Variants in GATB observed in about 807,000 individuals in gnomAD.
GATB encodes glutamyl-tRNA amidotransferase subunit B, also known as glutamyl-tRNA(Gln) amidotransferase subunit B, mitochondrial.
GATB carries 39 observed loss-of-function variants against 62.3 expected under a neutral mutation model. That is an observed-to-expected ratio of 0.63 (90% CI 0.48 to 0.82). GATB has a LOEUF of 0.82. GATB is among the 40% of genes least tolerant of loss of function. GATB has a pLI of 0.00. For synonymous variants in GATB, 276 were observed against 258.9 expected (o/e 1.07, Z -0.63); for missense variants, 670 against 684.0 (o/e 0.98, Z 0.23).
At chr4:151,705,355 C>A in intron 6 of GATB, 86 bp from the exon 7 acceptor site, 3 of 772,642 alleles carry the variant, frequency 3.9e-6, no homozygotes, top group South Asian at 1.7e-5. Flanking sequence ...CTTTCTCAAT[C>A]TCTAAGTTAA....
chr4:151,755,344 G>T (rs546694841), intron 2 of GATB, among the ~76,000 whole-genome samples: 103 of 152,258 alleles, frequency 6.8e-4, no homozygotes, highest in Middle Eastern at 6.8e-3. Context: ...ATGTTGTACT[G>T]TACTGATGTA....
chr4:151,732,714 T>TA (rs371222321), intron 2 of GATB, among the ~76,000 whole-genome samples: 1,012 of 66,338 alleles, frequency 0.015, 9 homozygotes, highest in African/African-American at 0.044. Context: ...GAATGATCAA[T>TA]AAAAAAAAAA....
At chr4:151,734,720 T>C (rs1238501777) in intron 2 of GATB, among the ~76,000 whole-genome samples, 2 of 152,182 alleles carry the variant, frequency 1.3e-5, no homozygotes, top group Non-Finnish European at 1.5e-5. Context: ...AGCCTGGTAC[T>C]GGCATAAAAA....
At chr4:151,751,628 A>G (rs775767820) in intron 2 of GATB, among the ~76,000 whole-genome samples, 7 of 152,214 alleles carry the variant, frequency 4.6e-5, no homozygotes, top group Non-Finnish European at 8.8e-5. Context: ...CCAATATCCA[A>G]GTTATATCAC....
At chr4:151,733,647 G>A (rs1446446973) in intron 2 of GATB, among the ~76,000 whole-genome samples, 1 of 152,026 alleles carries the variant, frequency 6.6e-6, no homozygotes, top group Non-Finnish European at 1.5e-5. Flanking sequence ...AATCAGGAAA[G>A]GACACAAACA....
chr4:151,705,174 T>G lies in GATB; in HGVS notation c.962+11A>C. On this transcript the variant is annotated intron_variant, in intron 7 of 12. Coordinates refer to ENST00000263985, the MANE Select transcript of GATB (RefSeq NM_004564.3). ...CGGCTGTGGTCAGGACGCTCAGCAATGCGAACTCACCCCAGCTTGTGATGA... is the reference window on the plus strand; with the variant it reads ...CGGCTGTGGTCAGGACGCTCAGCAAGGCGAACTCACCCCAGCTTGTGATGA... The G allele has an allele frequency of 6.2e-7, 1 of 1,603,676 alleles. No homozygotes were observed. The highest frequency in any genetic ancestry group is 8.5e-7 in the Non-Finnish European group (1 of 1,170,602).
chr4:151,750,481 C>G (rs1414583330), intron 2 of GATB, among the ~76,000 whole-genome samples: 1 of 152,074 alleles, frequency 6.6e-6, no homozygotes, highest in Non-Finnish European at 1.5e-5. Flanking sequence ...CACAATGATA[C>G]AGTGTACTTG....
intron 2 of GATB, among the ~76,000 whole-genome samples, chr4:151,754,416 G>A (rs756232752): frequency 3.9e-5 from 6 of 152,136 alleles, no homozygotes; most frequent in Non-Finnish European, 5.9e-5. Context: ...CGACTAACAT[G>A]TTTATTAAAA....
Position 151,735,736 on chromosome 4 carries a change from G to GTATA in GATB, c.328-16202_328-16199dup, listed in dbSNP as rs137893198. Among the ~76,000 whole-genome samples the GTATA allele has an allele frequency of 3.9e-3, 410 of 104,056 alleles. 35 individuals carry two copies. The highest frequency in any genetic ancestry group is 0.014 in the East Asian group (50 of 3,620). 68.3% of individuals were successfully genotyped at this position (104,056 alleles called of 152,430 possible). On this transcript the variant is annotated intron_variant, in intron 2 of 12. Coordinates refer to ENST00000263985, the MANE Select transcript of GATB (RefSeq NM_004564.3). Reference sequence around the variant, plus strand: ...AACAAGTGGATAAATAAACTGTGGTGTATATATATATATATATATATGATG... The same window carrying GTATA: ...AACAAGTGGATAAATAAACTGTGGTGTATATATATATATATATATATATATGATG...
At position 151,719,608 on chromosome 4, in the gene GATB, A is replaced by G. The variant is rs1578921554; in HGVS notation, c.328-70T>C. ...ACAAATGCTTCTCCCACACACTGAC[A>G]TCCTCGCTGAATATGCAACTTGGCC... On this transcript the variant is annotated intron_variant, in intron 2 of 12. Coordinates refer to ENST00000263985, the MANE Select transcript of GATB (RefSeq NM_004564.3). 4.8e-6 allele frequency: 5 copies of G among 1,038,156 alleles called. No individual in the cohort carries two copies. The East Asian group carries it at 1.1e-4, about 23-fold the overall frequency. 64.3% of individuals were successfully genotyped at this position (1,038,156 alleles called of 1,614,324 possible).
rs56231389 is a variant in GATB, at chr4:151,697,953, GTATATATATATATATA to G, written c.1197+3360_1197+3375del. 3.2e-3 allele frequency among the ~76,000 whole-genome samples: 129 copies of G among 40,592 alleles called. 3 individuals are homozygous for G. Among genetic ancestry groups the G allele is most frequent in the South Asian group, 6.5e-3 (5 of 770 alleles). 26.6% of individuals were successfully genotyped at this position (40,592 alleles called of 152,430 possible). Reference sequence around the variant, plus strand: ...TTCATATATATGTGTGTGTGTGTGTGTATATATATATATATATATATATATATATATATATATATAT... The same window carrying G: ...TTCATATATATGTGTGTGTGTGTGTGTATATATATATATATATATATATAT... On this transcript the variant is annotated intron_variant, in intron 9 of 12. Coordinates refer to ENST00000263985, the MANE Select transcript of GATB (RefSeq NM_004564.3).
intron 2 of GATB, among the ~76,000 whole-genome samples, chr4:151,735,736 G>GTATATA (rs137893198): frequency 2.9e-5 from 3 of 104,060 alleles, no homozygotes; most frequent in South Asian, 4.3e-4. Context: ...AAACTGTGGT[G>GTATATA]TATATATATA....
intron 7 of GATB, among the ~76,000 whole-genome samples, chr4:151,704,588 G>C (rs943683295): frequency 2.6e-4 from 39 of 151,444 alleles, no homozygotes; most frequent in Non-Finnish European, 5.6e-4. Flanking sequence ...CGAGTAGCTG[G>C]CACTACAGGC....
At chr4:151,743,439 A>G (rs776885939) in intron 2 of GATB, among the ~76,000 whole-genome samples, 25 of 152,374 alleles carry the variant, frequency 1.6e-4, no homozygotes, top group Admixed American at 7.2e-4. Context: ...CTGTATGTGT[A>G]TAAGCATGTG....
intron 5 of GATB, among the ~76,000 whole-genome samples, chr4:151,710,061 G>A (rs773291303): frequency 6.6e-6 from 1 of 152,008 alleles, no homozygotes; most frequent in Non-Finnish European, 1.5e-5. Flanking sequence ...CCTCCTCCTA[G>A]AAGCCCTCCT....
Position 151,681,178 on chromosome 4 carries a change from A to G in GATB, c.1332-1287T>C, listed in dbSNP as rs144747337. Among the ~76,000 whole-genome samples, 689 of 152,318 alleles carry G rather than the reference A, an allele frequency of 4.5e-3. 3 individuals are homozygous for G. The highest frequency in any genetic ancestry group is 0.016 in the South Asian group (79 of 4,820). On this transcript the variant is annotated intron_variant, in intron 10 of 12. Coordinates refer to ENST00000263985, the MANE Select transcript of GATB (RefSeq NM_004564.3). The stretch of plus-strand genomic sequence containing the variant: ...TGCCGATTTCCCGGGCTCTAAACCA[A>G]TGGAGTGTGTGTTAACCAACTGACT...
At position 151,698,778 on chromosome 4, in the gene GATB, A is replaced by AAATACT. The variant is rs1726875818; in HGVS notation, c.1197+2545_1197+2550dup. 4.6e-5 allele frequency among the ~76,000 whole-genome samples: 7 copies of AAATACT among 152,186 alleles called. No homozygotes were observed. In the South Asian group the frequency reaches 1.5e-3, roughly 32 times the overall value. ...TTCAAGTACTAGCCCTTTAAAGGAA[A>AAATACT]AATACTAATCACCCAATACATTATC... On this transcript the variant is annotated intron_variant, in intron 9 of 12. Transcript: ENST00000263985.
In GATB at chr4:151,706,409, C is replaced by T. The variant is rs147194031; in HGVS notation, c.878-1140G>A. Among the ~76,000 whole-genome samples the T allele has an allele frequency of 1.4e-3, 207 of 148,296 alleles. 3 individuals carry two copies. In the East Asian group the frequency reaches 0.035, roughly 25 times the overall value. ...TTACCATCACCACCTCTTAAAATAA[C>T]GGGTCCCAGCCCACTACCTACAGGG... On this transcript the variant is annotated intron_variant, in intron 6 of 12. Coordinates refer to ENST00000263985, the MANE Select transcript of GATB (RefSeq NM_004564.3).
chr4:151,739,548 A>G (rs1401812433), intron 2 of GATB, among the ~76,000 whole-genome samples: 1 of 152,238 alleles, frequency 6.6e-6, no homozygotes, highest in Admixed American at 6.5e-5. Context: ...AATGGCCAAG[A>G]GAGGCCAAGC....
Sources: gnomAD v4.1 joint callset for allele counts (sites outside exome capture counted in the v4.1 genomes callset) on GRCh38, gnomAD v4.1.1 for gene constraint, MANE v1.5 for transcripts, NCBI Gene and HGNC (gene_info 2026-07-23, HGNC 2026-07-21) for gene names.